The following LARP4B variants were observed in gnomAD, a reference collection of about 807,000 sequenced individuals.
The protein encoded by LARP4B is La ribonucleoprotein 4B, also known as la-related protein 4B.
In LARP4B, 12 loss-of-function variants were observed where a neutral mutation model predicts 89.8. The observed-to-expected ratio is 0.13, with a 90% CI of 0.09 to 0.22. The LOEUF (loss-of-function observed/expected upper bound fraction) is 0.22, where lower values mean the gene tolerates loss of function less well. Ranked by LOEUF, LARP4B falls within the 10% of genes least tolerant of loss-of-function variation. The pLI is 1.00. For synonymous variants in LARP4B, 367 were observed against 363.3 expected (o/e 1.01, Z -0.12); for missense variants, 757 against 947.7 (o/e 0.80, Z 2.64).
chr10:906,823 A>C (rs1836505469), intron 1 of LARP4B, among the ~76,000 whole-genome samples: 1 of 152,192 alleles, frequency 6.6e-6, no homozygotes, highest in Non-Finnish European at 1.5e-5. Context: ...TACAGCTTTA[A>C]CTTCTGCTCA....
chr10:972,950 C>A, the LARP4B span: 2 of 447,926 alleles, frequency 4.5e-6, no homozygotes, highest in South Asian at 1.6e-5. Flanking sequence ...CTACTGAAAC[C>A]ATGCTCAGTT....
the LARP4B span, among the ~76,000 whole-genome samples, chr10:978,603 C>T: frequency 6.6e-6 from 1 of 152,042 alleles, no homozygotes; most frequent in East Asian, 1.9e-4. Flanking sequence ...ACTTAATTTA[C>T]CAAGTCTTAA....
the LARP4B span, among the ~76,000 whole-genome samples, chr10:939,699 G>C: frequency 2.6e-5 from 4 of 152,204 alleles, no homozygotes; most frequent in Non-Finnish European, 5.9e-5. Flanking sequence ...AGAGGAATGA[G>C]TTGATGAGAC....
chr10:818,800 A>G (rs1265014905), intron 14 of LARP4B: 1 of 152,242 alleles, frequency 6.6e-6, no homozygotes, highest in Non-Finnish European at 1.5e-5. Context: ...GGAAGCAAAG[A>G]TCTCATGGGA....
intron 9 of LARP4B, 98 bp from the exon 10 acceptor site, chr10:829,832 T>A: frequency 1.2e-6 from 1 of 809,454 alleles, no homozygotes; most frequent in Non-Finnish European, 2.1e-6. Flanking sequence ...AATATATAAT[T>A]AAATTATGGT....
At chr10:839,199 G>A (rs1833388937) in intron 7 of LARP4B, among the ~76,000 whole-genome samples, 1 of 152,184 alleles carries the variant, frequency 6.6e-6, no homozygotes, top group South Asian at 2.1e-4. Flanking sequence ...GTCCCTATAT[G>A]GTTGTCTGAA....
intron 1 of LARP4B, among the ~76,000 whole-genome samples, chr10:922,359 G>A (rs1325490874): frequency 6.6e-6 from 1 of 152,126 alleles, no homozygotes; most frequent in African/African-American, 2.4e-5. Flanking sequence ...TGGGAGTTAG[G>A]GACCCCTGCT....
the LARP4B span, chr10:972,865 G>A: frequency 9.2e-4 from 419 of 456,990 alleles, 1 homozygote; most frequent in African/African-American, 7.0e-3. Context: ...GAGAATGCTG[G>A]CAGTTCTGTC....
the LARP4B span, among the ~76,000 whole-genome samples, chr10:937,436 G>A: frequency 6.6e-6 from 1 of 152,136 alleles, no homozygotes. Flanking sequence ...CTCTGTTGAG[G>A]ATATAGATTA....
At chr10:857,576 G>T (rs1834368560) in intron 5 of LARP4B, among the ~76,000 whole-genome samples, 1 of 152,194 alleles carries the variant, frequency 6.6e-6, no homozygotes, top group Admixed American at 6.5e-5. Flanking sequence ...TTTCGGATCA[G>T]GTCGGGTGGC....
chr10:963,330 G>A, the LARP4B span, among the ~76,000 whole-genome samples: 1 of 152,148 alleles, frequency 6.6e-6, no homozygotes, highest in East Asian at 1.9e-4. Context: ...CTTCTTTCTT[G>A]GTTCATTTTC....
intron 1 of LARP4B, among the ~76,000 whole-genome samples, chr10:907,068 G>C (rs1330184770): frequency 6.6e-6 from 1 of 152,182 alleles, no homozygotes; most frequent in Non-Finnish European, 1.5e-5. Context: ...CAAAGCCTTG[G>C]TTGGTTATTC....
chr10:944,303 C>G, the LARP4B span, among the ~76,000 whole-genome samples: 1 of 152,184 alleles, frequency 6.6e-6, no homozygotes, highest in Admixed American at 6.5e-5. Context: ...CTGGTGAAAC[C>G]TGTTTCCTGG....
At chr10:828,184 G>A (rs567481484) in intron 11 of LARP4B, among the ~76,000 whole-genome samples, 1 of 152,258 alleles carries the variant, frequency 6.6e-6, no homozygotes, top group South Asian at 2.1e-4. Flanking sequence ...CTGCCAGCTC[G>A]TTCCCCAACT....
chr10:814,754 G>C lies in LARP4B; in HGVS notation c.1917C>G (p.Asn639Lys). The C allele has an allele frequency of 6.3e-7, 1 of 1,595,324 alleles. No individual in the cohort carries two copies. Among genetic ancestry groups the C allele is most frequent in the South Asian group, 1.1e-5 (1 of 88,406 alleles). The change falls in exon 17 of 18, where the codon AAC becomes AAG. Residue 639 changes from asparagine to lysine, a missense_variant. Coordinates refer to ENST00000316157, the MANE Select transcript of LARP4B (RefSeq NM_015155.3). The surrounding 1 kb of genome is among the most constrained non-coding windows in gnomAD (Gnocchi z 4.4). ...TATACKSVQV[N>K]GAATELRKPS... The stretch of plus-strand genomic sequence containing the variant: ...ACGAGGTACGTACCGTGGCGGCTCC[G>C]TTCACCTGCACCGATTTACACGCGG...
chr10:962,246 A>G, the LARP4B span, among the ~76,000 whole-genome samples: 1 of 151,096 alleles, frequency 6.6e-6, no homozygotes, highest in African/African-American at 2.4e-5. Flanking sequence ...CAGTGAGCCA[A>G]GATCACACCA....
chr10:808,858 T>C (rs982715926), downstream of LARP4B: 3 of 151,992 alleles, frequency 2.0e-5, no homozygotes, highest in East Asian at 1.9e-4. Context: ...AAGGAGAAGA[T>C]TGATAGATTT....
At chr10:872,751 G>A (rs972932386) in intron 3 of LARP4B, among the ~76,000 whole-genome samples, 5 of 152,130 alleles carry the variant, frequency 3.3e-5, no homozygotes, top group East Asian at 1.9e-4. Flanking sequence ...CAACCTTGTC[G>A]GCTGCCGTTA....
the LARP4B span, among the ~76,000 whole-genome samples, chr10:950,397 A>G: frequency 1.3e-5 from 2 of 152,182 alleles, no homozygotes. Flanking sequence ...TTTGCATTTT[A>G]CATTTAAGTC....
Sources: allele counts gnomAD v4.1 joint callset (sites outside exome capture counted in the v4.1 genomes callset), GRCh38; gene constraint gnomAD v4.1.1; non-coding constraint Gnocchi (gnomAD v3.1); transcripts MANE v1.5; gene names NCBI Gene and HGNC (gene_info 2026-07-23, HGNC 2026-07-21).